The following DCBLD1 variants were observed in gnomAD, a reference collection of about 807,000 sequenced individuals.
The protein encoded by DCBLD1 is discoidin, CUB and LCCL domain containing 1, also known as discoidin, CUB and LCCL domain-containing protein 1.
A neutral mutation model predicts 71.5 loss-of-function variants in DCBLD1; 57 were observed. The ratio of observed to expected loss-of-function variants is 0.80; its 90% CI spans 0.64 to 0.99. DCBLD1 has a LOEUF of 0.99. DCBLD1 is among the 50% of genes least tolerant of loss of function. The pLI is 0.00. For missense variants in DCBLD1, 891 were observed against 923.5 expected (o/e 0.96, Z 0.46); for synonymous variants, 380 against 363.8 (o/e 1.04, Z -0.51).
At chr6:117,520,511 T>C (rs1778351335) in intron 3 of DCBLD1, among the ~76,000 whole-genome samples, 1 of 152,218 alleles carries the variant, frequency 6.6e-6, no homozygotes. Context: ...GGCAACGCTT[T>C]TCACCAGTGA....
intron 4 of DCBLD1, among the ~76,000 whole-genome samples, chr6:117,522,435 A>G (rs1276023070): frequency 6.6e-6 from 1 of 150,578 alleles, no homozygotes; most frequent in East Asian, 1.9e-4. Flanking sequence ...AAAAACTATG[A>G]CTGTTTTTTT....
intron 14 of DCBLD1, chr6:117,566,954 C>G: frequency 6.2e-7 from 1 of 1,611,818 alleles, no homozygotes; most frequent in Non-Finnish European, 8.5e-7. Context: ...GATGTCCACT[C>G]TCATCTTCAT....
At chr6:117,532,161 G>T (rs930098388) in intron 5 of DCBLD1, 99 bp from the exon 6 acceptor site, 16 of 1,489,658 alleles carry the variant, frequency 1.1e-5, no homozygotes, top group Non-Finnish European at 1.3e-5. Flanking sequence ...ATTCATTGGG[G>T]CCACTACTAT....
intron 14 of DCBLD1, chr6:117,562,564 A>T (rs1420798795): frequency 4.9e-6 from 1 of 202,734 alleles, no homozygotes; most frequent in Non-Finnish European, 1.0e-5. Context: ...TTTCTTTTAA[A>T]AAACAAAAAA....
chr6:117,484,590 C>T (rs1319113731), intron 1 of DCBLD1, among the ~76,000 whole-genome samples: 1 of 152,106 alleles, frequency 6.6e-6, no homozygotes, highest in African/African-American at 2.4e-5. Flanking sequence ...CTCAAGTGAT[C>T]CACCCACCCC....
intron 1 of DCBLD1, among the ~76,000 whole-genome samples, chr6:117,487,082 C>T (rs548153839): frequency 5.3e-5 from 8 of 152,230 alleles, no homozygotes; most frequent in South Asian, 2.1e-4. Context: ...TTGTCCTTCA[C>T]GAAACCCGTC....
intron 14 of DCBLD1, among the ~76,000 whole-genome samples, chr6:117,568,174 T>A (rs1431083980): frequency 6.6e-6 from 1 of 152,064 alleles, no homozygotes; most frequent in Non-Finnish European, 1.5e-5. Flanking sequence ...CACTCCAGCC[T>A]GGGTGACAAA....
At chr6:117,529,654 T>G (rs1001420790) in intron 5 of DCBLD1, among the ~76,000 whole-genome samples, 1 of 152,228 alleles carries the variant, frequency 6.6e-6, no homozygotes, top group African/African-American at 2.4e-5. Flanking sequence ...CAATTTCCTT[T>G]AAGTTGGATG....
chr6:117,487,984 T>C (rs1332339036), intron 1 of DCBLD1, among the ~76,000 whole-genome samples: 3 of 152,238 alleles, frequency 2.0e-5, no homozygotes, highest in African/African-American at 7.2e-5. Flanking sequence ...GATGACTTCT[T>C]ACCCGATGTG....
In DCBLD1 at chr6:117,498,173, G is replaced by A. The variant is rs143568966; in HGVS notation, c.113-5594G>A. Reference sequence around the variant, plus strand: ...AGTTCTGAAATATTCATGAATACTTGCACCTTTTTCCAGAATCTAAACTTC... The same window carrying A: ...AGTTCTGAAATATTCATGAATACTTACACCTTTTTCCAGAATCTAAACTTC... On this transcript the variant is annotated intron_variant, in intron 1 of 14. Coordinates refer to ENST00000338728, the MANE Select transcript of DCBLD1 (RefSeq NM_001366458.2). 8.4e-4 allele frequency among the ~76,000 whole-genome samples: 128 copies of A among 152,220 alleles called. 1 individual carries two copies. The highest frequency in any genetic ancestry group is 3.0e-3 in the African/African-American group (123 of 41,540).
At chr6:117,511,949 CTTTG>C (rs1443829849) in intron 2 of DCBLD1, among the ~76,000 whole-genome samples, 4 of 152,088 alleles carry the variant, frequency 2.6e-5, no homozygotes, top group African/African-American at 9.7e-5. Context: ...ACTGCTTTTT[CTTTG>C]TTTGTTTTAT....
chr6:117,559,382 A>G (rs776980638), intron 14 of DCBLD1, among the ~76,000 whole-genome samples: 5 of 152,202 alleles, frequency 3.3e-5, no homozygotes, highest in Non-Finnish European at 7.4e-5. Context: ...TTGGACTACA[A>G]TGTAATCCTA....
chr6:117,487,184 C>G (rs1171948715), intron 1 of DCBLD1, among the ~76,000 whole-genome samples: 2 of 152,146 alleles, frequency 1.3e-5, no homozygotes, highest in Non-Finnish European at 2.9e-5. Flanking sequence ...GACTGCCTTC[C>G]TCCTACTAGA....
chr6:117,569,534 T>A, intron 14 of DCBLD1: 2 of 1,605,168 alleles, frequency 1.2e-6, no homozygotes, highest in Non-Finnish European at 1.7e-6. Context: ...TCATAACCAA[T>A]TGATAGATCC....
chr6:117,551,058 A>G (rs1779418789), downstream of DCBLD1, among the ~76,000 whole-genome samples: 1 of 152,088 alleles, frequency 6.6e-6, no homozygotes, highest in South Asian at 2.1e-4. Context: ...ACATCCCACT[A>G]CAGATCCCCT....
intron 13 of DCBLD1, 108 bp downstream of exon 13, chr6:117,544,685 A>T (rs781179665): frequency 8.3e-7 from 1 of 1,211,314 alleles, no homozygotes; most frequent in East Asian, 2.4e-5. Flanking sequence ...TGGTTAAAAG[A>T]CATAAGCCCT....
chr6:117,491,162 T>C (rs1393607177), intron 1 of DCBLD1, among the ~76,000 whole-genome samples: 1 of 152,226 alleles, frequency 6.6e-6, no homozygotes, highest in Non-Finnish European at 1.5e-5. Context: ...GTTTACCTCA[T>C]ATTAAAATGT....
rs2114576480 is a variant in DCBLD1, at chr6:117,547,897, G to A, written c.1616-10G>A. ...GTGCCCGCTAGCTGCCATCTGTCTT[G>A]TGGTTTCAGATTACCAGCAGCCCCT... On this transcript the variant is annotated splice_polypyrimidine_tract_variant and intron_variant, in intron 14 of 14. Coordinates refer to ENST00000338728, the MANE Select transcript of DCBLD1 (RefSeq NM_001366458.2). The A allele has an allele frequency of 6.4e-7, 1 of 1,550,502 alleles. No homozygotes were observed. Among genetic ancestry groups the A allele is most frequent in the Non-Finnish European group, 8.7e-7 (1 of 1,146,916 alleles).
chr6:117,487,910 A>G (rs777642965), intron 1 of DCBLD1, among the ~76,000 whole-genome samples: 5 of 152,270 alleles, frequency 3.3e-5, no homozygotes, highest in African/African-American at 9.6e-5. Flanking sequence ...GTTAAAAAAA[A>G]TAGTTGTTTG....
Sources: allele counts gnomAD v4.1 joint callset (sites outside exome capture counted in the v4.1 genomes callset), GRCh38; gene constraint gnomAD v4.1.1; transcripts MANE v1.5; gene names NCBI Gene and HGNC (gene_info 2026-07-23, HGNC 2026-07-21).